MET: variants seen among roughly 807,000 people sequenced by gnomAD.
MET encodes the protein hepatocyte growth factor receptor.
In MET, 48 loss-of-function variants were observed where a neutral mutation model predicts 133.1. That is an observed-to-expected ratio of 0.36 (90% CI 0.29 to 0.46). The LOEUF (loss-of-function observed/expected upper bound fraction) is 0.46. Ranked by LOEUF, MET falls within the 20% of genes least tolerant of loss-of-function variation. The pLI is 1.00. For synonymous variants in MET, 628 were observed against 616.5 expected (o/e 1.02, Z -0.28); for missense variants, 1,442 against 1,695.9 (o/e 0.85, Z 2.63).
chr7:116,673,771 G>A (rs902783024), intron 1 of MET, among the ~76,000 whole-genome samples: 1 of 152,154 alleles, frequency 6.6e-6, no homozygotes, highest in Non-Finnish European at 1.5e-5. Flanking sequence ...CAGTGTAAGT[G>A]GTGCTTGGAT....
chr7:116,728,000 C>G (rs1191916384), intron 2 of MET, among the ~76,000 whole-genome samples: 2 of 152,156 alleles, frequency 1.3e-5, no homozygotes, highest in South Asian at 4.1e-4. Context: ...GTCCCTGATG[C>G]CTTGATCCCA....
At chr7:116,754,893 G>GAGAAAGAAAGAAA (rs1794071448) in intron 5 of MET, among the ~76,000 whole-genome samples, 1 of 97,446 alleles carries the variant, frequency 1.0e-5, no homozygotes, top group Non-Finnish European at 2.1e-5. Flanking sequence ...GAGAGAAAGA[G>GAGAAAGAAAGAAA]AGAAAGAAAG....
chr7:116,707,269 A>G (rs1210442457), intron 2 of MET, among the ~76,000 whole-genome samples: 1 of 152,128 alleles, frequency 6.6e-6, no homozygotes, highest in Admixed American at 6.5e-5. Context: ...TGATTTATGA[A>G]CAGTATAACT....
At position 116,797,472 on chromosome 7, in the gene MET, A is replaced by T. The variant is rs1399463760; in HGVS notation, c.*1348A>T. On this transcript the variant is annotated 3_prime_UTR_variant, in exon 21 of 21. Transcript: ENST00000397752. ...GAAACAAATGAAAAAGGCAATTGAA[A>T]ATCCCAGCTATTTCACCTAGATGGA... is the stretch of plus-strand genomic sequence containing the variant. 8.7e-6 allele frequency: 2 copies of T among 229,194 alleles called. No individual in the cohort carries two copies. The highest frequency in any genetic ancestry group is 4.4e-5 in the African/African-American group (2 of 45,088). The allele number at this position is 229,194 out of a possible 1,614,324, so 14.2% of individuals were successfully genotyped here.
intron 2 of MET, among the ~76,000 whole-genome samples, chr7:116,713,855 A>G (rs555898916): frequency 6.6e-6 from 1 of 152,310 alleles, no homozygotes; most frequent in African/African-American, 2.4e-5. Context: ...ACCTGTTTCT[A>G]TTGAATGTGA....
chr7:116,697,649 C>T (rs1240044110), intron 1 of MET, among the ~76,000 whole-genome samples: 1 of 152,088 alleles, frequency 6.6e-6, no homozygotes, highest in Non-Finnish European at 1.5e-5. Flanking sequence ...TGTTTAACAC[C>T]TTCTGCATCT....
At chr7:116,704,375 T>C (rs1008305909) in intron 2 of MET, among the ~76,000 whole-genome samples, 10 of 152,110 alleles carry the variant, frequency 6.6e-5, no homozygotes, top group Non-Finnish European at 1.5e-4. Flanking sequence ...TCTGAACCCA[T>C]CGTCCTGCGT....
At chr7:116,716,531 A>AAGAAAGAC (rs1363908236) in intron 2 of MET, among the ~76,000 whole-genome samples, 1 of 150,490 alleles carries the variant, frequency 6.6e-6, no homozygotes, top group Admixed American at 6.6e-5. Flanking sequence ...GAAAGAAAGA[A>AAGAAAGAC]AGAAAGAAGA....
chr7:116,672,484 G>A lies in MET; in HGVS notation c.-108G>A, dbSNP rs1190293995. ...GGAGGGCGCGAGCCAGATGCGGGGC[G>A]ACAGCTGACTTGCTGAGAGGAGGCG... On this transcript the variant is annotated 5_prime_UTR_variant, in exon 1 of 21. Coordinates refer to ENST00000397752, the MANE Select transcript of MET (RefSeq NM_000245.4). 1.3e-5 allele frequency: 5 copies of A among 398,154 alleles called. No homozygotes were observed. The highest frequency in any genetic ancestry group is 4.4e-5 in the Admixed American group (1 of 22,698). The allele number at this position is 398,154 out of a possible 1,614,324, so 24.7% of individuals were successfully genotyped here.
chr7:116,718,850 C>T (rs373083968), intron 2 of MET, among the ~76,000 whole-genome samples: 5 of 145,150 alleles, frequency 3.4e-5, no homozygotes, highest in South Asian at 2.3e-4. Context: ...GCATAGTATT[C>T]CATGGTGTAT....
At chr7:116,760,998 T>C (rs1794381962) in intron 10 of MET, among the ~76,000 whole-genome samples, 1 of 152,192 alleles carries the variant, frequency 6.6e-6, no homozygotes, top group African/African-American at 2.4e-5. Context: ...GTATGAGACC[T>C]TTTAAAGTAG....
At chr7:116,684,291 A>G (rs905227349) in intron 1 of MET, among the ~76,000 whole-genome samples, 6 of 152,200 alleles carry the variant, frequency 3.9e-5, no homozygotes, top group African/African-American at 1.4e-4. Context: ...CCATAATGCT[A>G]GAAACTTTGT....
chr7:116,769,957 C>A, intron 12 of MET, 166 bp downstream of exon 12: 1 of 981,018 alleles, frequency 1.0e-6, no homozygotes, highest in Non-Finnish European at 1.6e-6. Context: ...CTTTTTGCCA[C>A]ATTGTCTCCT....
intron 1 of MET, among the ~76,000 whole-genome samples, chr7:116,693,744 G>T (rs553197725): frequency 1.3e-5 from 2 of 152,290 alleles, no homozygotes; most frequent in South Asian, 4.1e-4. Context: ...CATTTGGAAA[G>T]CGTTTTATTT....
At position 116,762,843 on chromosome 7, in the gene MET, G is replaced by A. The variant is rs1429100216; in HGVS notation, c.2365-207G>A. Reference sequence around the variant, plus strand: ...GCACAGTTTATGCTGGGCAGGTGGAGCTCTGTGTTTCTTTGAAGGGTGGGT... The same window carrying A: ...GCACAGTTTATGCTGGGCAGGTGGAACTCTGTGTTTCTTTGAAGGGTGGGT... On this transcript the variant is annotated intron_variant, in intron 10 of 20. Transcript: ENST00000397752. 2.0e-5 allele frequency among the ~76,000 whole-genome samples: 3 copies of A among 152,168 alleles called. No individual in the cohort carries two copies. The East Asian group carries it at 5.8e-4, about 29-fold the overall frequency.
At chr7:116,754,635 C>T (rs139220708) in intron 5 of MET, among the ~76,000 whole-genome samples, 3,396 of 150,674 alleles carry the variant, frequency 0.023, 52 homozygotes, top group Non-Finnish European at 0.034. Flanking sequence ...AGCTGGGCAA[C>T]GTAGTGAGAC....
At position 116,681,672 on chromosome 7, in the gene MET, G is replaced by A. The variant is rs575003180; in HGVS notation, c.-15+9095G>A. ...TCTTTTGGCTCCTCTGAGGGTCTTA[G>A]GTGAGCCACTTTCATCTGATTCTGC... On this transcript the variant is annotated intron_variant, in intron 1 of 20. Transcript: ENST00000397752. Among the ~76,000 whole-genome samples the A allele has an allele frequency of 1.6e-4, 24 of 152,270 alleles. No individual in the cohort carries two copies. The South Asian group carries it at 5.0e-3, about 32-fold the overall frequency.
intron 2 of MET, among the ~76,000 whole-genome samples, chr7:116,716,478 A>AAAG (rs1428457234): frequency 1.9e-5 from 2 of 104,870 alleles, no homozygotes; most frequent in African/African-American, 4.1e-5. Context: ...AGAAAGAAAG[A>AAAG]AAGAAAGAAA....
At chr7:116,703,219 T>G (rs1282745722) in intron 2 of MET, among the ~76,000 whole-genome samples, 2 of 152,192 alleles carry the variant, frequency 1.3e-5, no homozygotes, top group Non-Finnish European at 2.9e-5. Context: ...TCAGTTGTTC[T>G]ATAAGAATAT....
Sources: gnomAD v4.1 joint callset for allele counts (sites outside exome capture counted in the v4.1 genomes callset) on GRCh38, gnomAD v4.1.1 for gene constraint, MANE v1.5 for transcripts, NCBI Gene and HGNC (gene_info 2026-07-23, HGNC 2026-07-21) for gene names.